Variants in MYO16 observed in about 807,000 individuals in gnomAD.
The protein encoded by MYO16 is myosin XVI.
In MYO16, 94 loss-of-function variants were observed where a neutral mutation model predicts 205.3. The observed-to-expected ratio is 0.46, with a 90% CI of 0.39 to 0.54. The LOEUF (loss-of-function observed/expected upper bound fraction) is 0.54. MYO16 is among the 20% of genes least tolerant of loss of function. The pLI, the probability that MYO16 is intolerant of heterozygous loss-of-function variation, is 0.00. For synonymous variants in MYO16, 988 were observed against 954.0 expected (o/e 1.04, Z -0.66); for missense variants, 2,315 against 2,387.5 (o/e 0.97, Z 0.63).
chr13:108,644,431 CTGCAACCCA>C, intron 1 of MYO16, among the ~76,000 whole-genome samples: 1 of 152,080 alleles, frequency 6.6e-6, no homozygotes, highest in South Asian at 2.1e-4. Flanking sequence ...GTTTAAATTA[CTGCAACCCA>C]TGAGCTGAAA....
At chr13:108,618,097 C>T (rs1193460026) in intron 1 of MYO16, among the ~76,000 whole-genome samples, 1 of 152,156 alleles carries the variant, frequency 6.6e-6, no homozygotes, top group African/African-American at 2.4e-5. Context: ...TGCTCTCTCC[C>T]CTGGACTATT....
chr13:108,705,488 A>G (rs115987388), intron 2 of MYO16, among the ~76,000 whole-genome samples: 2,075 of 152,324 alleles, frequency 0.014, 46 homozygotes, highest in African/African-American at 0.047. Flanking sequence ...GAAGGAGACC[A>G]CATTCATATA....
chr13:109,101,830 ATATC>A (rs1313194138), intron 28 of MYO16: 2 of 152,214 alleles, frequency 1.3e-5, no homozygotes, highest in Non-Finnish European at 2.9e-5. Context: ...GATAGGGAGA[ATATC>A]TATGAGTAAA....
In MYO16 at chr13:108,923,110, G is replaced by A. The variant is rs576369186; in HGVS notation, c.1925+12960G>A. On this transcript the variant is annotated intron_variant, in intron 16 of 34. Transcript: ENST00000457511. ...GTAAAAACAGGTGAAAGATTTTGTG[G>A]CGGTATTTGCAATGACCCACAAAAG... 5.3e-5 allele frequency among the ~76,000 whole-genome samples: 8 copies of A among 152,290 alleles called. No homozygotes were observed. The South Asian group carries it at 1.5e-3, about 28-fold the overall frequency.
chr13:108,885,461 G>A (rs533638941), intron 13 of MYO16, among the ~76,000 whole-genome samples: 2 of 152,252 alleles, frequency 1.3e-5, no homozygotes, highest in South Asian at 4.2e-4. Context: ...CAGAGATGGG[G>A]GCTTCCACCC....
chr13:108,603,010 A>G (rs578237597), intron 1 of MYO16, among the ~76,000 whole-genome samples: 7 of 152,348 alleles, frequency 4.6e-5, no homozygotes, highest in African/African-American at 1.4e-4. Context: ...TGGAAGTGAA[A>G]TAATGAGCCT....
At chr13:108,941,976 T>C (rs2139317124) in intron 16 of MYO16, among the ~76,000 whole-genome samples, 1 of 152,372 alleles carries the variant, frequency 6.6e-6, no homozygotes, top group Non-Finnish European at 1.5e-5. Context: ...TTTTCTTAAA[T>C]GCCTAAGAGT....
At chr13:108,909,855 C>A (rs1249929528) in intron 15 of MYO16, 148 bp from the exon 16 acceptor site, 2 of 853,202 alleles carry the variant, frequency 2.3e-6, no homozygotes, top group Non-Finnish European at 1.8e-6. Flanking sequence ...CTAGCTAATG[C>A]AAAAAGACAA....
At chr13:109,131,551 T>C (rs926880092) in intron 31 of MYO16, among the ~76,000 whole-genome samples, 46 of 152,278 alleles carry the variant, frequency 3.0e-4, no homozygotes, top group African/African-American at 1.0e-3. Context: ...TACTTTAAGT[T>C]TTAGGGTACA....
chr13:109,098,982 C>T lies in MYO16; in HGVS notation c.3336-1803C>T, dbSNP rs976109039. Among the ~76,000 whole-genome samples, 3 of 152,164 alleles carry T rather than the reference C, an allele frequency of 2.0e-5. No individual in the cohort carries two copies. In the South Asian group the frequency reaches 6.2e-4, roughly 32 times the overall value. ...AATTTTCTTCAAATGTCAAACGACC[C>T]TAGAATGTTCGACCTTGAGTTCTTT... On this transcript the variant is annotated intron_variant, in intron 27 of 34. Coordinates refer to ENST00000457511, the MANE Select transcript of MYO16 (RefSeq NM_001198950.3).
chr13:108,600,248 T>C (rs1878714863), intron 1 of MYO16, among the ~76,000 whole-genome samples: 2 of 152,338 alleles, frequency 1.3e-5, no homozygotes, highest in African/African-American at 4.8e-5. Flanking sequence ...ACAAAACTGC[T>C]TTTGTACTTT....
intron 16 of MYO16, among the ~76,000 whole-genome samples, chr13:108,924,038 C>A (rs1252817217): frequency 6.6e-6 from 1 of 152,134 alleles, no homozygotes; most frequent in Non-Finnish European, 1.5e-5. Context: ...ATCTTAGAGA[C>A]AGAAAAGGGT....
chr13:108,659,561 G>T (rs1881406745), intron 1 of MYO16, among the ~76,000 whole-genome samples: 1 of 152,116 alleles, frequency 6.6e-6, no homozygotes, highest in South Asian at 2.1e-4. Flanking sequence ...CCATTACAAA[G>T]ATGAGCTTCA....
chr13:108,962,662 T>G lies in MYO16; in HGVS notation c.2227+167T>G, dbSNP rs533369297. 3.3e-5 allele frequency among the ~76,000 whole-genome samples: 5 copies of G among 152,176 alleles called. No homozygotes were observed. The East Asian group carries it at 9.6e-4, about 29-fold the overall frequency. On this transcript the variant is annotated intron_variant, in intron 19 of 34. Transcript: ENST00000457511. ...CATTTGACATGACTATAGTGTAGACTCTTTATGCTCCTGAGAGACCATTTT... is the reference window on the plus strand; with the variant it reads ...CATTTGACATGACTATAGTGTAGACGCTTTATGCTCCTGAGAGACCATTTT...
chr13:108,673,332 C>T, intron 2 of MYO16, among the ~76,000 whole-genome samples: 1 of 148,962 alleles, frequency 6.7e-6, no homozygotes, highest in African/African-American at 2.5e-5. Context: ...TTTTCATCTT[C>T]TTTCCCTGAT....
At chr13:108,874,283 CAGA>C (rs1328027048) in intron 12 of MYO16, among the ~76,000 whole-genome samples, 1 of 151,680 alleles carries the variant, frequency 6.6e-6, no homozygotes, top group Non-Finnish European at 1.5e-5. Context: ...TTCTGATGAG[CAGA>C]AGAATGGACT....
At chr13:108,768,227 T>C (rs577759148) in intron 4 of MYO16, among the ~76,000 whole-genome samples, 2 of 152,292 alleles carry the variant, frequency 1.3e-5, no homozygotes, top group African/African-American at 2.4e-5. Context: ...CCTCGGCTCC[T>C]TTGTGTTCCT....
intron 2 of MYO16, among the ~76,000 whole-genome samples, chr13:108,683,528 C>A (rs1002072019): frequency 1.3e-5 from 2 of 152,152 alleles, no homozygotes; most frequent in African/African-American, 2.4e-5. Flanking sequence ...CTGCTTTATG[C>A]AGAATTGGTG....
At chr13:108,557,921 G>A in the MYO16 span, among the ~76,000 whole-genome samples, 35 of 152,124 alleles carry the variant, frequency 2.3e-4, 1 homozygote, top group Middle Eastern at 0.01. Context: ...TAGATAGATA[G>A]GTGATAGATA....
Sources: gnomAD v4.1 joint callset for allele counts (sites outside exome capture counted in the v4.1 genomes callset) on GRCh38, gnomAD v4.1.1 for gene constraint, MANE v1.5 for transcripts, NCBI Gene and HGNC (gene_info 2026-07-23, HGNC 2026-07-21) for gene names.